Variants in KIF2A observed in about 807,000 individuals in gnomAD.
KIF2A encodes kinesin family member 2A, also known as kinesin-like protein KIF2A.
Under a neutral mutation model 100.2 loss-of-function variants are expected in KIF2A, and 22 were observed. That is an observed-to-expected ratio of 0.22 (90% CI 0.16 to 0.31). The LOEUF (loss-of-function observed/expected upper bound fraction) is 0.31. Among genes scored for constraint, KIF2A ranks in the 10% least tolerant of loss-of-function variants. The probability of loss-of-function intolerance (pLI) is 1.00; values close to 1 mark genes in which losing one functional copy is unlikely to be tolerated. For synonymous variants in KIF2A, 268 were observed against 285.9 expected (o/e 0.94, Z 0.63); for missense variants, 495 against 898.7 (o/e 0.55, Z 5.74).
At chr5:62,339,501 T>C (rs1324218729) in intron 1 of KIF2A, among the ~76,000 whole-genome samples, 1 of 80,074 alleles carries the variant, frequency 1.2e-5, no homozygotes, top group East Asian at 5.7e-4. Context: ...GAGAAAAGTT[T>C]TATATATGTG....
At chr5:62,335,842 C>CA (rs1746917219) in intron 1 of KIF2A, among the ~76,000 whole-genome samples, 1 of 152,058 alleles carries the variant, frequency 6.6e-6, no homozygotes, top group African/African-American at 2.4e-5. Flanking sequence ...TAGATTGAAA[C>CA]AAAATGGAAG....
intron 20 of KIF2A, among the ~76,000 whole-genome samples, chr5:62,384,341 C>T (rs1741920680): frequency 6.6e-6 from 1 of 152,188 alleles, no homozygotes; most frequent in Non-Finnish European, 1.5e-5. Context: ...TTTTAAACAT[C>T]ACTGTACTTT....
At chr5:62,341,695 GA>G (rs561697898) in intron 1 of KIF2A, among the ~76,000 whole-genome samples, 53 of 152,010 alleles carry the variant, frequency 3.5e-4, no homozygotes, top group African/African-American at 1.2e-3. Context: ...GTCCTGGTAC[GA>G]ATTTTGCTCC....
intron 16 of KIF2A, among the ~76,000 whole-genome samples, chr5:62,370,045 T>C (rs953634691): frequency 6.6e-6 from 1 of 152,230 alleles, no homozygotes. Context: ...CTGTGTAAAA[T>C]GTTTAGCACA....
intron 1 of KIF2A, among the ~76,000 whole-genome samples, chr5:62,313,012 T>C (rs1745629669): frequency 6.7e-6 from 1 of 148,554 alleles, no homozygotes; most frequent in South Asian, 2.1e-4. Context: ...CTTATGTTTC[T>C]TTTTTTTTTA....
At chr5:62,350,177 C>T in intron 4 of KIF2A, 57 bp downstream of exon 4, 1 of 965,424 alleles carries the variant, frequency 1.0e-6, no homozygotes, top group East Asian at 2.9e-5. Flanking sequence ...ATGTTCCTGA[C>T]AAGGTAAATC....
At chr5:62,326,093 A>C (rs1272410797) in intron 1 of KIF2A, among the ~76,000 whole-genome samples, 1 of 152,190 alleles carries the variant, frequency 6.6e-6, no homozygotes, top group African/African-American at 2.4e-5. Flanking sequence ...CTCATGTAAC[A>C]AACCTGCATA....
At chr5:62,368,884 T>C (rs1203475532) in intron 16 of KIF2A, among the ~76,000 whole-genome samples, 1 of 152,216 alleles carries the variant, frequency 6.6e-6, no homozygotes, top group African/African-American at 2.4e-5. Context: ...CAAATCCTTA[T>C]TGTGTTAGTT....
At chr5:62,315,043 G>T (rs1745744468) in intron 1 of KIF2A, among the ~76,000 whole-genome samples, 1 of 152,000 alleles carries the variant, frequency 6.6e-6, no homozygotes, top group African/African-American at 2.4e-5. Flanking sequence ...GATTATAGGT[G>T]TGAGCCACTA....
chr5:62,371,554 G>A (rs929494622), intron 16 of KIF2A, among the ~76,000 whole-genome samples: 1 of 152,158 alleles, frequency 6.6e-6, no homozygotes, highest in African/African-American at 2.4e-5. Flanking sequence ...TCAGGGCTAG[G>A]TTTTAACCTC....
chr5:62,319,091 C>T (rs1745974629), intron 1 of KIF2A, among the ~76,000 whole-genome samples: 1 of 143,340 alleles, frequency 7.0e-6, no homozygotes, highest in Non-Finnish European at 1.6e-5. Context: ...GTCATGCTAG[C>T]ATTATGTCTT....
At chr5:62,340,241 T>G (rs765721684) in intron 1 of KIF2A, among the ~76,000 whole-genome samples, 2 of 152,162 alleles carry the variant, frequency 1.3e-5, no homozygotes, top group Non-Finnish European at 2.9e-5. Context: ...CTGGCAGTTG[T>G]TATCTTTGGG....
chr5:62,361,391 C>G (rs1748399412), intron 10 of KIF2A, 59 bp downstream of exon 10: 2 of 1,444,496 alleles, frequency 1.4e-6, no homozygotes, highest in Admixed American at 1.7e-5. Flanking sequence ...TTCCTTATAG[C>G]TTAATTCTGT....
In KIF2A at chr5:62,363,918, A is replaced by G; in HGVS notation, c.1467+19A>G. On this transcript the variant is annotated intron_variant, in intron 14 of 20. Coordinates refer to ENST00000407818, the MANE Select transcript of KIF2A (RefSeq NM_001098511.3). ...ACTCAAGGTAAATAAAATGTATTTTATCATGAAAGGTCTTTTACTTTTGAC... is the reference window on the plus strand; with the variant it reads ...ACTCAAGGTAAATAAAATGTATTTTGTCATGAAAGGTCTTTTACTTTTGAC... The G allele has an allele frequency of 1.3e-6, 2 of 1,561,676 alleles. No homozygotes were observed. Among genetic ancestry groups the G allele is most frequent in the South Asian group, 1.2e-5 (1 of 85,456 alleles).
At chr5:62,335,698 G>A (rs1746908905) in intron 1 of KIF2A, among the ~76,000 whole-genome samples, 1 of 152,092 alleles carries the variant, frequency 6.6e-6, no homozygotes, top group Non-Finnish European at 1.5e-5. Context: ...CCTCTCAATG[G>A]AGGACAGTGC....
chr5:62,306,701 G>T (rs1745298315), intron 1 of KIF2A, among the ~76,000 whole-genome samples, 165 bp downstream of exon 1: 1 of 152,120 alleles, frequency 6.6e-6, no homozygotes, highest in Non-Finnish European at 1.5e-5. Flanking sequence ...AGTGAGGCCG[G>T]CTTGGGGTCC....
chr5:62,348,956 C>G (rs1348188914), intron 3 of KIF2A, among the ~76,000 whole-genome samples: 2 of 150,848 alleles, frequency 1.3e-5, no homozygotes, highest in Non-Finnish European at 2.9e-5. Context: ...TCAGGGAGGA[C>G]ATAGATAAGC....
At chr5:62,314,464 AAAAC>A (rs1385410167) in intron 1 of KIF2A, among the ~76,000 whole-genome samples, 4 of 152,142 alleles carry the variant, frequency 2.6e-5, no homozygotes, top group Non-Finnish European at 4.4e-5. Flanking sequence ...TCACTGTCTC[AAAAC>A]AAACAAACAG....
chr5:62,344,943 C>A (rs966290454), intron 1 of KIF2A, among the ~76,000 whole-genome samples: 4 of 152,136 alleles, frequency 2.6e-5, no homozygotes, highest in African/African-American at 4.8e-5. Context: ...TATATGAGCT[C>A]ATATAAAAGG....
Sources: allele counts gnomAD v4.1 joint callset (sites outside exome capture counted in the v4.1 genomes callset), GRCh38; gene constraint gnomAD v4.1.1; transcripts MANE v1.5; gene names NCBI Gene and HGNC (gene_info 2026-07-23, HGNC 2026-07-21).